RAB30: variants seen among roughly 807,000 people sequenced by gnomAD.
The protein encoded by RAB30 is RAB30, member RAS oncogene family.
RAB30 carries 9 observed loss-of-function variants against 25.1 expected under a neutral mutation model. The ratio of observed to expected loss-of-function variants is 0.36; its 90% confidence interval spans 0.22 to 0.63. The LOEUF (loss-of-function observed/expected upper bound fraction) is 0.63. Among genes scored for constraint, RAB30 ranks in the 20% least tolerant of loss-of-function variants. The pLI is 0.69. For synonymous variants in RAB30, 77 were observed against 86.4 expected (o/e 0.89, Z 0.60); for missense variants, 140 against 243.5 (o/e 0.58, Z 2.83).
intron 1 of RAB30, among the ~76,000 whole-genome samples, chr11:83,020,342 C>G (rs775166457): frequency 2.6e-5 from 4 of 152,216 alleles, no homozygotes; most frequent in Non-Finnish European, 5.9e-5. Flanking sequence ...GGGCCAAGCT[C>G]GGGCACTGTC....
chr11:82,999,844 A>G (rs1857039291), intron 1 of RAB30, among the ~76,000 whole-genome samples: 1 of 151,980 alleles, frequency 6.6e-6, no homozygotes, highest in South Asian at 2.1e-4. Flanking sequence ...GGCTCCCACA[A>G]TGACCTCCTT....
chr11:83,001,885 A>G (rs777831422), intron 1 of RAB30, among the ~76,000 whole-genome samples: 2 of 152,180 alleles, frequency 1.3e-5, no homozygotes, highest in African/African-American at 2.4e-5. Context: ...GTTAACATTG[A>G]TAACAGCTGG....
At chr11:83,041,112 C>G (rs1858101593) in intron 1 of RAB30, 1 of 152,166 alleles carries the variant, frequency 6.6e-6, no homozygotes, top group African/African-American at 2.4e-5. Flanking sequence ...AGGAGTATTG[C>G]TTGAACCCAG....
At chr11:83,024,924 G>C (rs188051707) in intron 1 of RAB30, among the ~76,000 whole-genome samples, 3 of 152,304 alleles carry the variant, frequency 2.0e-5, no homozygotes, top group South Asian at 2.1e-4. Flanking sequence ...CTGGAGGAGA[G>C]AGTTATAGCA....
At chr11:83,048,982 C>A (rs1006384524) in intron 1 of RAB30, among the ~76,000 whole-genome samples, 1 of 152,120 alleles carries the variant, frequency 6.6e-6, no homozygotes, top group Non-Finnish European at 1.5e-5. Flanking sequence ...CGAAAAAGAA[C>A]CACATGGTTA....
In RAB30 at chr11:83,000,529, A is replaced by G. The variant is rs181126044; in HGVS notation, c.-8-3205T>C. On this transcript the variant is annotated intron_variant, in intron 1 of 4. Transcript: ENST00000527633. ...AAGGCATGAGGCTCTGTGGACCACAACTCTCTGCTTTCATAAGCCCATAAG... is the reference window on the plus strand; with the variant it reads ...AAGGCATGAGGCTCTGTGGACCACAGCTCTCTGCTTTCATAAGCCCATAAG... 1.4e-3 allele frequency among the ~76,000 whole-genome samples: 206 copies of G among 152,260 alleles called. 1 individual carries two copies. The highest frequency in any genetic ancestry group is 2.7e-3 in the Non-Finnish European group (185 of 68,010).
chr11:83,014,627 AG>A, intron 1 of RAB30, among the ~76,000 whole-genome samples: 1 of 138,456 alleles, frequency 7.2e-6, no homozygotes, highest in Non-Finnish European at 1.5e-5. Flanking sequence ...GAAAGAAAGA[AG>A]TAAGAAAAAG....
At chr11:83,061,451 T>A (rs959411759) in intron 1 of RAB30, among the ~76,000 whole-genome samples, 4 of 152,126 alleles carry the variant, frequency 2.6e-5, no homozygotes, top group African/African-American at 9.7e-5. Flanking sequence ...CAGAAAAATA[T>A]GATTGTTTCC....
intron 1 of RAB30, among the ~76,000 whole-genome samples, chr11:83,047,465 CACA>C (rs1431212532): frequency 6.6e-6 from 1 of 152,198 alleles, no homozygotes; most frequent in African/African-American, 2.4e-5. Context: ...TAATTTAGCT[CACA>C]ACATTATTTC....
intron 1 of RAB30, among the ~76,000 whole-genome samples, chr11:83,045,583 C>T (rs140417178): frequency 2.5e-4 from 38 of 152,306 alleles, no homozygotes; most frequent in African/African-American, 7.7e-4. Context: ...AGCCTTGCCA[C>T]GGTTAAGCAC....
At chr11:82,991,712 T>C (rs760288243) in intron 3 of RAB30, among the ~76,000 whole-genome samples, 1 of 152,086 alleles carries the variant, frequency 6.6e-6, no homozygotes, top group African/African-American at 2.4e-5. Flanking sequence ...TGGACTGGAT[T>C]TGGGAGATGA....
At position 82,980,468 on chromosome 11, in the gene RAB30, T is replaced by C. The variant is rs1856618290; in HGVS notation, c.*1697A>G. On this transcript the variant is annotated 3_prime_UTR_variant, in exon 5 of 5. Transcript: ENST00000527633. ...ATCATGTCTCTACATGACTAATTTCTTTACAATTAAATAGCTTTCAAACAT... is the reference window on the plus strand; with the variant it reads ...ATCATGTCTCTACATGACTAATTTCCTTACAATTAAATAGCTTTCAAACAT... 2 of 152,198 alleles carry C rather than the reference T, an allele frequency of 1.3e-5. No homozygotes were observed. Among genetic ancestry groups the C allele is most frequent in the South Asian group, 4.1e-4 (2 of 4,830 alleles). The allele number at this position is 152,198 out of a possible 1,614,324, so 9.4% of individuals were successfully genotyped here.
chr11:83,051,838 C>A (rs1211291961), intron 1 of RAB30, among the ~76,000 whole-genome samples: 2 of 152,152 alleles, frequency 1.3e-5, no homozygotes, highest in South Asian at 4.1e-4. Context: ...TCATACATAG[C>A]CAGCTCTGCT....
chr11:82,985,714 C>CT (rs60932116), intron 4 of RAB30, among the ~76,000 whole-genome samples: 2,648 of 128,892 alleles, frequency 0.021, 81 homozygotes, highest in African/African-American at 0.062. Context: ...CCTTACTTGG[C>CT]TTTTTTTTTT....
chr11:83,051,682 G>T (rs2121518317), intron 1 of RAB30, among the ~76,000 whole-genome samples: 1 of 150,052 alleles, frequency 6.7e-6, no homozygotes, highest in South Asian at 2.1e-4. Flanking sequence ...AGCACTTACA[G>T]TTAAAAAAAA....
At chr11:83,016,465 TAAGA>T (rs924079606) in intron 1 of RAB30, among the ~76,000 whole-genome samples, 1 of 152,234 alleles carries the variant, frequency 6.6e-6, no homozygotes, top group African/African-American at 2.4e-5. Context: ...TCTTTTCAGA[TAAGA>T]AATACTACAG....
At chr11:83,058,582 C>T (rs1051938351) in intron 1 of RAB30, among the ~76,000 whole-genome samples, 2 of 152,228 alleles carry the variant, frequency 1.3e-5, no homozygotes, top group Non-Finnish European at 2.9e-5. Flanking sequence ...GCAGGAATGC[C>T]ACACGAGTGA....
At chr11:82,988,417 G>C (rs1856783171) in intron 3 of RAB30, among the ~76,000 whole-genome samples, 1 of 152,150 alleles carries the variant, frequency 6.6e-6, no homozygotes, top group African/African-American at 2.4e-5. Flanking sequence ...ATGTATTAAG[G>C]TATTATCTTT....
At chr11:82,988,080 T>C (rs1341187251) in intron 3 of RAB30, among the ~76,000 whole-genome samples, 1 of 152,172 alleles carries the variant, frequency 6.6e-6, no homozygotes, top group Non-Finnish European at 1.5e-5. Flanking sequence ...CAAGCATTTA[T>C]TATGTGCCAA....
Sources: gnomAD v4.1 joint callset for allele counts (sites outside exome capture counted in the v4.1 genomes callset) on GRCh38, gnomAD v4.1.1 for gene constraint, MANE v1.5 for transcripts, NCBI Gene and HGNC (gene_info 2026-07-23, HGNC 2026-07-21) for gene names.